The following ARRDC5 variants were observed in gnomAD, a reference collection of about 807,000 sequenced individuals.
ARRDC5 encodes the protein arrestin domain-containing protein 5.
ARRDC5 carries 12 observed loss-of-function variants against 13.3 expected under a neutral mutation model. That is an observed-to-expected ratio of 0.90 (90% CI 0.58 to 1.46). ARRDC5 has a LOEUF of 1.46. Among genes scored for constraint, ARRDC5 ranks in the 40% most tolerant of loss-of-function variants. The pLI is 0.00. For missense variants in ARRDC5, 406 were observed against 418.7 expected (o/e 0.97, Z 0.26); for synonymous variants, 181 against 173.4 (o/e 1.04, Z -0.34).
intron 1 of ARRDC5, among the ~76,000 whole-genome samples, chr19:4,898,267 A>G (rs1481022534): frequency 6.6e-6 from 1 of 151,872 alleles, no homozygotes; most frequent in Non-Finnish European, 1.5e-5. Context: ...CCTTTGTTTC[A>G]TTTTCCTTCT....
At chr19:4,900,915 A>T (rs2031891099) in intron 1 of ARRDC5, among the ~76,000 whole-genome samples, 1 of 152,034 alleles carries the variant, frequency 6.6e-6, no homozygotes, top group South Asian at 2.1e-4. Flanking sequence ...GCTACTCGGG[A>T]GGCTGAGGCG....
intron 1 of ARRDC5, among the ~76,000 whole-genome samples, chr19:4,901,351 C>G (rs182481010): frequency 6.6e-6 from 1 of 152,114 alleles, no homozygotes; most frequent in South Asian, 2.1e-4. Flanking sequence ...CCTGGTGGCT[C>G]ATGCCTGTAA....
chr19:4,909,278 C>T, the ARRDC5 span: 1 of 531,768 alleles, frequency 1.9e-6, no homozygotes, highest in Non-Finnish European at 3.3e-6. Flanking sequence ...GGCCCTGCCA[C>T]GCAGCCCCTT....
rs938731332 is a variant in ARRDC5 at position 4,900,153 on chromosome 19, T to C, written c.253+2420A>G. Among the ~76,000 whole-genome samples, 44 of 140,250 alleles carry C rather than the reference T, an allele frequency of 3.1e-4. 1 individual carries two copies. The highest frequency in any genetic ancestry group is 4.9e-4 in the Admixed American group (7 of 14,190). The allele number at this position is 140,250 out of a possible 152,430, so 92.0% of individuals were successfully genotyped here. ...TTTTTCTGTTTCTTTCTTTTTTTTT[T>C]TTTTTTTTTTTTGAGACGGAGTCTC... On this transcript the variant is annotated intron_variant, in intron 1 of 2. Coordinates refer to ENST00000650722, the MANE Select transcript of ARRDC5 (RefSeq NM_001080523.3).
In ARRDC5 at chr19:4,902,808, C is replaced by A; in HGVS notation, c.18G>T (p.Ser6=). 3 of 1,613,912 alleles carry A rather than the reference C, an allele frequency of 1.9e-6. No individual in the cohort carries two copies. Among genetic ancestry groups the A allele is most frequent in the South Asian group, 1.1e-5 (1 of 91,072 alleles). MSVVK[S]IELVLPEDRI... ...TATCCTCGGGCAGCACTAATTCGAT[C>A]GACTTCACCACAGACATGGGGGGTT... The change falls in exon 1 of 3, where the codon TCG becomes TCT. Residue 6 remains serine, a synonymous_variant. Transcript: ENST00000650722.
chr19:4,896,359 TTTACACAC>T lies in ARRDC5; in HGVS notation c.459+304_459+311del, dbSNP rs1409608849. Among the ~76,000 whole-genome samples the T allele has an allele frequency of 5.7e-3, 474 of 82,918 alleles. 5 individuals are homozygous for T. The highest frequency in any genetic ancestry group is 0.023 in the African/African-American group (414 of 18,194). The allele number at this position is 82,918 out of a possible 152,430, so 54.4% of individuals were successfully genotyped here. On this transcript the variant is annotated intron_variant, in intron 2 of 2. Coordinates refer to ENST00000650722, the MANE Select transcript of ARRDC5 (RefSeq NM_001080523.3). ...ATATATATATATATATTTTTTTTTT[TTTACACAC>T]ACACACACACACACACACACACACA...
the ARRDC5 span, among the ~76,000 whole-genome samples, chr19:4,915,315 C>T: frequency 1.3e-5 from 2 of 152,214 alleles, no homozygotes; most frequent in South Asian, 4.1e-4. Flanking sequence ...GTAGAGGGCG[C>T]GGCCTCTGTT....
intron 1 of ARRDC5, among the ~76,000 whole-genome samples, chr19:4,901,961 A>T (rs952110625): frequency 4.6e-5 from 7 of 152,034 alleles, no homozygotes; most frequent in African/African-American, 1.7e-4. Context: ...ATCTCAGCTT[A>T]CTGGAACCTC....
intron 1 of ARRDC5, among the ~76,000 whole-genome samples, chr19:4,899,953 A>T (rs2031862441): frequency 6.7e-6 from 1 of 149,710 alleles, no homozygotes; most frequent in Non-Finnish European, 1.5e-5. Flanking sequence ...AAGTAAATAA[A>T]TAAAAGAAAA....
rs377753328 is a variant in ARRDC5, at chr19:4,890,995, T to G, written c.*51A>C. Reference sequence around the variant, plus strand: ...GAGTCACCTGTGCAAGAGAGAGGGCTTCCTCCTGGTAGAGACTAATAAAGC... The same window carrying G: ...GAGTCACCTGTGCAAGAGAGAGGGCGTCCTCCTGGTAGAGACTAATAAAGC... On this transcript the variant is annotated 3_prime_UTR_variant, in exon 3 of 3. Transcript: ENST00000650722. 76 of 1,496,494 alleles carry G rather than the reference T, an allele frequency of 5.1e-5. No homozygotes were observed. The highest frequency in any genetic ancestry group is 6.6e-5 in the Non-Finnish European group (73 of 1,106,338). The allele number at this position is 1,496,494 out of a possible 1,614,324, so 92.7% of individuals were successfully genotyped here.
chr19:4,892,690 T>C (rs1599207735), intron 2 of ARRDC5, among the ~76,000 whole-genome samples: 2 of 152,306 alleles, frequency 1.3e-5, no homozygotes, highest in East Asian at 3.9e-4. Flanking sequence ...GTTTGCAACA[T>C]AGCAAATTGT....
chr19:4,896,660 C>A lies in ARRDC5; in HGVS notation c.459+11G>T. The A allele has an allele frequency of 6.2e-7, 1 of 1,601,598 alleles. No individual in the cohort carries two copies. The highest frequency in any genetic ancestry group is 1.1e-5 in the South Asian group (1 of 90,698). On this transcript the variant is annotated intron_variant, in intron 2 of 2. Transcript: ENST00000650722. ...AGATTGTTCCCACCTCCACCTTTCCCCCATCGGTACCTGGAATGGGGTTTC... is the reference window on the plus strand; with the variant it reads ...AGATTGTTCCCACCTCCACCTTTCCACCATCGGTACCTGGAATGGGGTTTC...
At chr19:4,914,723 C>T in the ARRDC5 span, among the ~76,000 whole-genome samples, 33 of 151,582 alleles carry the variant, frequency 2.2e-4, no homozygotes, top group African/African-American at 6.6e-4. Flanking sequence ...TTAACCTGCT[C>T]GGGTACAACG....
At chr19:4,905,922 T>C (rs546640553), upstream of ARRDC5, among the ~76,000 whole-genome samples, 87 of 152,336 alleles carry the variant, frequency 5.7e-4, no homozygotes, top group Non-Finnish European at 9.3e-4. Flanking sequence ...GTGAGCTTTT[T>C]TTCTGAGACG....
intron 1 of ARRDC5, among the ~76,000 whole-genome samples, chr19:4,898,130 G>T (rs2031795579): frequency 6.6e-6 from 1 of 152,102 alleles, no homozygotes; most frequent in Non-Finnish European, 1.5e-5. Flanking sequence ...GTGAGGCAGA[G>T]AAAACTTTCG....
intron 1 of ARRDC5, among the ~76,000 whole-genome samples, chr19:4,898,857 C>G (rs985550023): frequency 2.6e-5 from 4 of 151,920 alleles, no homozygotes; most frequent in South Asian, 2.1e-4. Context: ...GAACTTGTGA[C>G]CTCAGGAGAT....
Position 4,891,121 on chromosome 19 carries a change from G to T in ARRDC5, c.912C>A (p.Ser304Arg). Residue 304 changes from serine to arginine, a missense_variant, in exon 3 of 3, where the codon AGC becomes AGA. Physicochemically the swap from Ser to Arg is moderately radical, Grantham distance 110. Coordinates refer to ENST00000650722, the MANE Select transcript of ARRDC5 (RefSeq NM_001080523.3). The part of the protein sequence containing the change: ...LKAKVPIIIT[S>R]ASVDSAICQL... ...GGCAGATGGCAGAGTCCACTGAGGC[G>T]CTGGTGATGATGATGGGAACTTTGG... The T allele has an allele frequency of 6.2e-7, 1 of 1,613,962 alleles. No individual in the cohort carries two copies. The highest frequency in any genetic ancestry group is 8.5e-7 in the Non-Finnish European group (1 of 1,179,884).
At chr19:4,909,807 G>A in the ARRDC5 span, 2 of 437,172 alleles carry the variant, frequency 4.6e-6, no homozygotes, top group Admixed American at 4.5e-5. Context: ...CTAACCCTCG[G>A]GAATCGTTCC....
chr19:4,891,954 CA>C (rs33946883), intron 2 of ARRDC5, among the ~76,000 whole-genome samples: 72 of 138,916 alleles, frequency 5.2e-4, no homozygotes, highest in Non-Finnish European at 7.4e-4. Flanking sequence ...AACTCCGTCT[CA>C]AAAAAAAAAA....
Sources: allele counts gnomAD v4.1 joint callset (sites outside exome capture counted in the v4.1 genomes callset), GRCh38; gene constraint gnomAD v4.1.1; transcripts MANE v1.5; gene names NCBI Gene and HGNC (gene_info 2026-07-23, HGNC 2026-07-21).